The following LRRC72 variants were observed in gnomAD, a reference collection of about 807,000 sequenced individuals.
LRRC72 encodes leucine rich repeat containing 72, also known as leucine-rich repeat-containing protein 72.
In LRRC72, 41 loss-of-function variants were observed where a neutral mutation model predicts 35.8. That is an observed-to-expected ratio of 1.15 (90% CI 0.89 to 1.49). LRRC72 has a LOEUF of 1.49. LRRC72 is among the 40% of genes most tolerant of loss of function. LRRC72 has a pLI of 0.00. For synonymous variants in LRRC72, 118 were observed against 119.2 expected (o/e 0.99, Z 0.07); for missense variants, 389 against 330.7 (o/e 1.18, Z -1.37).
At chr7:16,532,048 A>G (rs1027830607) in intron 1 of LRRC72, among the ~76,000 whole-genome samples, 3 of 152,222 alleles carry the variant, frequency 2.0e-5, no homozygotes, top group African/African-American at 7.2e-5. Flanking sequence ...GGCACAAAAA[A>G]GAATGTCCTA....
At chr7:16,563,836 A>C (rs28627199) in intron 5 of LRRC72, among the ~76,000 whole-genome samples, 4,204 of 152,306 alleles carry the variant, frequency 0.028, 203 homozygotes, top group African/African-American at 0.096. Context: ...CTAACAGTTC[A>C]GTTTTCTGAT....
At position 16,526,863 on chromosome 7, in the gene LRRC72, C is replaced by T; in HGVS notation, c.-90C>T. ...GCGGTAACTGTTGGTAACAGAACAA[C>T]GAGCTGTGCACCAAGCCAAGTCTCT... is the stretch of plus-strand genomic sequence containing the variant. On this transcript the variant is annotated 5_prime_UTR_variant, in exon 1 of 9. In the 5' UTR this introduces an upstream ATG that the reference lacks. Coordinates refer to ENST00000401542, the MANE Select transcript of LRRC72 (RefSeq NM_001195280.2). The T allele has an allele frequency of 3.0e-6, 3 of 1,001,086 alleles. No homozygotes were observed. The highest frequency in any genetic ancestry group is 4.5e-6 in the Non-Finnish European group (3 of 660,700). 62.0% of individuals were successfully genotyped at this position (1,001,086 alleles called of 1,614,324 possible).
Position 16,579,319 on chromosome 7 carries a change from G to T in LRRC72, c.671-755G>T, listed in dbSNP as rs375217671. On this transcript the variant is annotated intron_variant, in intron 7 of 8. Transcript: ENST00000401542. The stretch of plus-strand genomic sequence containing the variant: ...GAGCCTAGGATGATCAGAAACGCAT[G>T]AGAGACTTTCGTTAGCCACTTGTGA... Among the ~76,000 whole-genome samples, 5 of 152,336 alleles carry T rather than the reference G, an allele frequency of 3.3e-5. No individual in the cohort carries two copies. In the East Asian group the frequency reaches 9.7e-4, roughly 29 times the overall value.
chr7:16,573,723 C>T (rs1277139524), intron 7 of LRRC72, among the ~76,000 whole-genome samples: 1 of 152,112 alleles, frequency 6.6e-6, no homozygotes, highest in Non-Finnish European at 1.5e-5. Context: ...TAGGCAATAC[C>T]ATTCAGGACA....
At chr7:16,571,672 C>T (rs1782948331) in intron 7 of LRRC72, among the ~76,000 whole-genome samples, 1 of 152,200 alleles carries the variant, frequency 6.6e-6, no homozygotes, top group Non-Finnish European at 1.5e-5. Context: ...CCAGATACTA[C>T]ACTTTTCCCA....
chr7:16,557,332 T>C (rs1782667099), intron 3 of LRRC72, 28 bp from the exon 4 acceptor site: 2 of 820,418 alleles, frequency 2.4e-6, no homozygotes, highest in South Asian at 7.2e-5. Flanking sequence ...TTATAGAAAG[T>C]ATATTGTTCT....
At chr7:16,527,722 G>A (rs1053641029) in intron 1 of LRRC72, among the ~76,000 whole-genome samples, 4 of 152,102 alleles carry the variant, frequency 2.6e-5, no homozygotes, top group African/African-American at 9.7e-5. Context: ...GATTAAACGA[G>A]GCCGAGAGTT....
At chr7:16,569,300 C>G (rs1412727271) in intron 7 of LRRC72, among the ~76,000 whole-genome samples, 2 of 152,076 alleles carry the variant, frequency 1.3e-5, no homozygotes, top group Non-Finnish European at 2.9e-5. Context: ...GTGGCACATG[C>G]CTGTAATCCC....
chr7:16,547,261 C>T (rs1271783777), intron 3 of LRRC72, among the ~76,000 whole-genome samples: 2 of 152,154 alleles, frequency 1.3e-5, no homozygotes, highest in African/African-American at 4.8e-5. Flanking sequence ...TGCAATGGGG[C>T]CAGGCCGAGT....
At chr7:16,576,969 C>G (rs990683217) in intron 7 of LRRC72, among the ~76,000 whole-genome samples, 8 of 152,172 alleles carry the variant, frequency 5.3e-5, no homozygotes, top group Admixed American at 3.3e-4. Flanking sequence ...ACAGACAAGG[C>G]AGGACACAAT....
intron 5 of LRRC72, among the ~76,000 whole-genome samples, chr7:16,564,163 C>T (rs946013534): frequency 9.9e-5 from 15 of 152,184 alleles, no homozygotes; most frequent in Non-Finnish European, 2.1e-4. Flanking sequence ...TAAAGGCAGA[C>T]TCTACTTCCA....
intron 7 of LRRC72, among the ~76,000 whole-genome samples, chr7:16,578,143 G>T (rs990403913): frequency 6.6e-6 from 1 of 152,190 alleles, no homozygotes; most frequent in African/African-American, 2.4e-5. Context: ...ATTCATAGGA[G>T]AATGTTAAAT....
chr7:16,580,503 G>C (rs1402929265), intron 8 of LRRC72, among the ~76,000 whole-genome samples: 1 of 152,030 alleles, frequency 6.6e-6, no homozygotes, highest in Non-Finnish European at 1.5e-5. Flanking sequence ...TATTGGCCTG[G>C]CATGGTGGCA....
intron 4 of LRRC72, 36 bp from the exon 5 acceptor site, chr7:16,558,853 G>A: frequency 1.6e-6 from 2 of 1,270,962 alleles, no homozygotes; most frequent in Middle Eastern, 1.9e-4. Flanking sequence ...TGAAAAAAAT[G>A]TTTAAAATCT....
chr7:16,554,499 C>A (rs1233847987), intron 3 of LRRC72, among the ~76,000 whole-genome samples: 1 of 152,188 alleles, frequency 6.6e-6, no homozygotes, highest in African/African-American at 2.4e-5. Flanking sequence ...TCTCCTGCAA[C>A]CTTTACTCTA....
At chr7:16,546,597 T>C (rs533003361) in intron 3 of LRRC72, among the ~76,000 whole-genome samples, 8 of 152,264 alleles carry the variant, frequency 5.3e-5, no homozygotes, top group Non-Finnish European at 8.8e-5. Flanking sequence ...GGTGGTTTTC[T>C]GCTACATTCA....
intron 3 of LRRC72, among the ~76,000 whole-genome samples, chr7:16,547,330 C>G (rs941328895): frequency 5.3e-5 from 8 of 152,070 alleles, no homozygotes; most frequent in African/African-American, 1.9e-4. Context: ...AGAGGAGTCC[C>G]AAGGCAGAGC....
At chr7:16,551,793 T>C (rs1417088515) in intron 3 of LRRC72, among the ~76,000 whole-genome samples, 1 of 148,488 alleles carries the variant, frequency 6.7e-6, no homozygotes, top group African/African-American at 2.5e-5. Context: ...TAGATGAAAG[T>C]GTTTCACTGA....
At chr7:16,577,654 A>G (rs1463355443) in intron 7 of LRRC72, among the ~76,000 whole-genome samples, 1 of 152,228 alleles carries the variant, frequency 6.6e-6, no homozygotes, top group South Asian at 2.1e-4. Context: ...GGAAGTCTTT[A>G]TAACATATAT....
Sources: allele counts gnomAD v4.1 joint callset (sites outside exome capture counted in the v4.1 genomes callset), GRCh38; gene constraint gnomAD v4.1.1; transcripts MANE v1.5; gene names NCBI Gene and HGNC (gene_info 2026-07-23, HGNC 2026-07-21).